The following ST6GALNAC5 variants were observed in gnomAD, a reference collection of about 807,000 sequenced individuals.
ST6GALNAC5 encodes alpha-N-acetylgalactosaminide alpha-2,6-sialyltransferase 5.
A neutral mutation model predicts 33.6 loss-of-function variants in ST6GALNAC5; 27 were observed. The observed-to-expected ratio is 0.80, with a 90% CI of 0.59 to 1.11. The LOEUF (loss-of-function observed/expected upper bound fraction) is 1.11, where lower values mean the gene tolerates loss of function less well. Among genes scored for constraint, ST6GALNAC5 ranks in the 50% least tolerant of loss-of-function variants. ST6GALNAC5 has a pLI of 0.00. For synonymous variants in ST6GALNAC5, 194 were observed against 171.2 expected (o/e 1.13, Z -1.04); for missense variants, 428 against 454.0 (o/e 0.94, Z 0.52).
intron 2 of ST6GALNAC5, among the ~76,000 whole-genome samples, chr1:76,971,619 T>C (rs1648761610): frequency 6.6e-6 from 1 of 152,220 alleles, no homozygotes. Context: ...TTGCATAGTT[T>C]TTATTATTCC....
intron 2 of ST6GALNAC5, among the ~76,000 whole-genome samples, chr1:76,936,953 G>GGTGTGT (rs34309736): frequency 0.013 from 1,769 of 140,028 alleles, 42 homozygotes; most frequent in African/African-American, 0.041. Context: ...AGAGAAGCAG[G>GGTGTGT]GTGTGTGTGT....
chr1:76,883,540 C>G (rs542080190), intron 2 of ST6GALNAC5, among the ~76,000 whole-genome samples: 1 of 152,290 alleles, frequency 6.6e-6, no homozygotes, highest in Admixed American at 6.5e-5. Context: ...ACATACACAT[C>G]TTTAATTTCT....
chr1:76,927,503 G>T (rs1028748233), intron 2 of ST6GALNAC5, among the ~76,000 whole-genome samples: 1 of 152,010 alleles, frequency 6.6e-6, no homozygotes, highest in Non-Finnish European at 1.5e-5. Context: ...GTTAGCAAAG[G>T]CCTGATAGTG....
chr1:77,003,320 C>CT (rs1241406907), intron 2 of ST6GALNAC5, among the ~76,000 whole-genome samples: 3 of 135,096 alleles, frequency 2.2e-5, no homozygotes, highest in African/African-American at 7.6e-5. Context: ...CAACCCCTGC[C>CT]TTTTTTTGTT....
At chr1:77,001,080 G>A (rs533540291) in intron 2 of ST6GALNAC5, among the ~76,000 whole-genome samples, 104 of 152,080 alleles carry the variant, frequency 6.8e-4, no homozygotes, top group African/African-American at 2.4e-3. Flanking sequence ...CGTTACCTTG[G>A]CCAGTATGGT....
At chr1:77,007,612 T>C (rs1227380158) in intron 2 of ST6GALNAC5, among the ~76,000 whole-genome samples, 1 of 152,254 alleles carries the variant, frequency 6.6e-6, no homozygotes, top group Non-Finnish European at 1.5e-5. Flanking sequence ...TCTTCACCAC[T>C]ATGTGCTTTT....
chr1:76,867,739 C>G (rs995184881), intron 1 of ST6GALNAC5, 49 bp downstream of exon 1: 1 of 1,613,826 alleles, frequency 6.2e-7, no homozygotes, highest in African/African-American at 1.3e-5. Flanking sequence ...GATCCCCGGG[C>G]TCAGGGTCCA....
chr1:76,947,292 A>G (rs936827995), intron 2 of ST6GALNAC5, among the ~76,000 whole-genome samples: 2 of 152,178 alleles, frequency 1.3e-5, no homozygotes, highest in African/African-American at 4.8e-5. Context: ...TCAACGAAAT[A>G]AGTAATTAGA....
chr1:77,028,921 CA>C (rs1651347467), intron 2 of ST6GALNAC5, among the ~76,000 whole-genome samples: 1 of 152,160 alleles, frequency 6.6e-6, no homozygotes, highest in Non-Finnish European at 1.5e-5. Context: ...GGTTGGCTGT[CA>C]AAAACTGCAG....
At position 76,936,953 on chromosome 1, in the gene ST6GALNAC5, G is replaced by GGTGTGTGTGTGTGTGTGTGT. The variant is rs34309736; in HGVS notation, c.261+68228_261+68247dup. Among the ~76,000 whole-genome samples, 57 of 140,000 alleles carry GGTGTGTGTGTGTGTGTGTGT rather than the reference G, an allele frequency of 4.1e-4. 1 individual carries two copies. Among genetic ancestry groups the GGTGTGTGTGTGTGTGTGTGT allele is most frequent in the Non-Finnish European group, 5.3e-4 (34 of 64,746 alleles). 91.8% of individuals were successfully genotyped at this position (140,000 alleles called of 152,430 possible). On this transcript the variant is annotated intron_variant, in intron 2 of 4. Transcript: ENST00000477717. ...AGTCAGGAGACTGGAAGAGAAGCAG[G>GGTGTGTGTGTGTGTGTGTGT]GTGTGTGTGTGTGTGTGTGTGTGTG... is the stretch of plus-strand genomic sequence containing the variant.
chr1:77,038,828 G>A (rs184469012), intron 2 of ST6GALNAC5, among the ~76,000 whole-genome samples: 7 of 152,260 alleles, frequency 4.6e-5, no homozygotes, highest in African/African-American at 2.4e-5. Context: ...GTCATGCTTC[G>A]CTATTCCATT....
At chr1:76,973,974 T>C (rs1206854337) in intron 2 of ST6GALNAC5, among the ~76,000 whole-genome samples, 1 of 152,120 alleles carries the variant, frequency 6.6e-6, no homozygotes, top group Non-Finnish European at 1.5e-5. Context: ...TAGAATATTT[T>C]AATTTCTGAT....
chr1:76,944,018 G>A (rs1647424610), intron 2 of ST6GALNAC5, among the ~76,000 whole-genome samples: 1 of 152,056 alleles, frequency 6.6e-6, no homozygotes, highest in African/African-American at 2.4e-5. Flanking sequence ...ATCATGTCCT[G>A]ATGAACACAA....
intron 2 of ST6GALNAC5, among the ~76,000 whole-genome samples, chr1:76,974,244 G>C (rs995115740): frequency 2.3e-5 from 3 of 131,340 alleles, no homozygotes; most frequent in Non-Finnish European, 4.6e-5. Flanking sequence ...ATAAGGCCTC[G>C]CTCTGTCTCC....
intron 2 of ST6GALNAC5, among the ~76,000 whole-genome samples, chr1:76,960,884 A>G (rs983837028): frequency 2.6e-5 from 4 of 152,134 alleles, no homozygotes; most frequent in African/African-American, 9.7e-5. Context: ...TCAAACACGC[A>G]TGCTCTACAA....
intron 2 of ST6GALNAC5, among the ~76,000 whole-genome samples, chr1:76,909,664 G>A (rs1043545025): frequency 6.6e-6 from 1 of 151,964 alleles, no homozygotes; most frequent in African/African-American, 2.4e-5. Context: ...AAAACAAAGT[G>A]AGAAATTCAA....
intron 2 of ST6GALNAC5, among the ~76,000 whole-genome samples, chr1:76,982,196 C>A (rs932961830): frequency 1.3e-5 from 2 of 152,044 alleles, no homozygotes; most frequent in Admixed American, 6.6e-5. Context: ...TTCAGAAGGT[C>A]GGTAATAACA....
intron 2 of ST6GALNAC5, among the ~76,000 whole-genome samples, chr1:76,872,426 T>A (rs1260729094): frequency 6.6e-6 from 1 of 152,184 alleles, no homozygotes; most frequent in Non-Finnish European, 1.5e-5. Context: ...CCCCCAGGGA[T>A]GGATTTTACA....
chr1:77,022,688 T>G (rs982411477), intron 2 of ST6GALNAC5, among the ~76,000 whole-genome samples: 2 of 152,218 alleles, frequency 1.3e-5, no homozygotes, highest in African/African-American at 2.4e-5. Flanking sequence ...CCCAGTTATA[T>G]CCATTGTGAA....
Sources: gnomAD v4.1 joint callset for allele counts (sites outside exome capture counted in the v4.1 genomes callset) on GRCh38, gnomAD v4.1.1 for gene constraint, MANE v1.5 for transcripts, NCBI Gene and HGNC (gene_info 2026-07-23, HGNC 2026-07-21) for gene names.